ANKRD30A: variants seen among roughly 807,000 people sequenced by gnomAD.
The protein encoded by ANKRD30A is ankyrin repeat domain-containing protein 30A.
In ANKRD30A, 170 loss-of-function variants were observed where a neutral mutation model predicts 166.3. That is an observed-to-expected ratio of 1.02 (90% CI 0.90 to 1.16). The LOEUF is 1.16. Among genes scored for constraint, ANKRD30A ranks in the 50% most tolerant of loss-of-function variants. The probability of loss-of-function intolerance (pLI) is 0.00; values close to 1 mark genes in which losing one functional copy is unlikely to be tolerated. For missense variants in ANKRD30A, 1,630 were observed against 1,518.0 expected, an observed-to-expected ratio of 1.07 and a Z score of -1.23; for synonymous variants, 564 against 508.9, an observed-to-expected ratio of 1.11 and a Z score of -1.46.
At chr10:37,179,428 G>T (rs1196421393) in intron 24 of ANKRD30A, among the ~76,000 whole-genome samples, 1 of 151,012 alleles carries the variant, frequency 6.6e-6, no homozygotes, top group Middle Eastern at 3.4e-3. Context: ...TGCATGAGTG[G>T]ATTAAGAGAT....
chr10:37,208,439 C>G (rs569521649), intron 31 of ANKRD30A, among the ~76,000 whole-genome samples: 2 of 152,262 alleles, frequency 1.3e-5, no homozygotes, highest in East Asian at 3.9e-4. Flanking sequence ...AAAGCATATT[C>G]TTATCCGCTT....
intron 27 of ANKRD30A, 110 bp downstream of exon 27, chr10:37,193,368 A>T: frequency 1.5e-6 from 2 of 1,296,942 alleles, no homozygotes; most frequent in South Asian, 1.5e-5. Flanking sequence ...TTTGATGGGA[A>T]ATTTCGATAC....
intron 1 of ANKRD30A, among the ~76,000 whole-genome samples, chr10:37,126,428 ATGTACTTCT>A (rs1431110851): frequency 6.6e-6 from 1 of 152,228 alleles, no homozygotes; most frequent in African/African-American, 2.4e-5. Flanking sequence ...CCCATAATAT[ATGTACTTCT>A]TGGCTAAAAA....
chr10:37,146,572 A>AG (rs1837528947), intron 8 of ANKRD30A, among the ~76,000 whole-genome samples: 1 of 152,268 alleles, frequency 6.6e-6, no homozygotes, highest in South Asian at 2.1e-4. Context: ...AGTCCAGCTG[A>AG]GGGCGTCTGA....
chr10:37,224,817 A>G (rs1468517811), intron 34 of ANKRD30A, among the ~76,000 whole-genome samples: 1 of 151,442 alleles, frequency 6.6e-6, no homozygotes, highest in African/African-American at 2.4e-5. Flanking sequence ...CTTTTCTTCT[A>G]AAACTGCCTG....
At chr10:37,237,347 C>CT (rs1163383104), downstream of ANKRD30A, among the ~76,000 whole-genome samples, 4 of 152,202 alleles carry the variant, frequency 2.6e-5, no homozygotes, top group South Asian at 2.1e-4. Context: ...AAGAACAGAA[C>CT]TTTTTTTAAA....
At chr10:37,207,873 T>C (rs146458273) in intron 31 of ANKRD30A, among the ~76,000 whole-genome samples, 13 of 152,252 alleles carry the variant, frequency 8.5e-5, no homozygotes, top group East Asian at 1.9e-4. Flanking sequence ...AAGAATCTTA[T>C]TGATGAATAA....
chr10:37,157,852 C>A (rs1628017), intron 13 of ANKRD30A, among the ~76,000 whole-genome samples: 12 of 152,108 alleles, frequency 7.9e-5, no homozygotes, highest in East Asian at 1.9e-4. Context: ...AATTTAGAAC[C>A]TTCTCTGCAA....
In ANKRD30A at chr10:37,165,145, G is replaced by A; in HGVS notation, c.2054G>A (p.Trp685Ter). 2 of 1,607,682 alleles carry A rather than the reference G, an allele frequency of 1.2e-6. No individual in the cohort carries two copies. The highest frequency in any genetic ancestry group is 1.7e-6 in the Non-Finnish European group (2 of 1,174,712). Residue 685 changes from tryptophan (W) to a stop codon, truncating the protein, a stop_gained, in exon 18 of 36, where the codon TGG becomes TAG. Coordinates refer to ENST00000361713, the MANE Select transcript of ANKRD30A (RefSeq NM_052997.3). LOFTEE classifies it high-confidence loss of function. ...CAAAAGGACTATGAAGAAAATTCTT[G>A]GGATACTGAGGTACTGTGTGTTGTT... Reference protein sequence around the residue: ...SKQKDYEENSWDTESLCETVS... With the variant: ...SKQKDYEENS
Position 37,217,896 on chromosome 10 carries a change from A to C in ANKRD30A, c.3267+18A>C. 1 of 1,479,604 alleles carries C rather than the reference A, an allele frequency of 6.8e-7. No individual in the cohort carries two copies. The highest frequency in any genetic ancestry group is 9.0e-7 in the Non-Finnish European group (1 of 1,106,614). The allele number at this position is 1,479,604 out of a possible 1,614,324, so 91.7% of individuals were successfully genotyped here. ...TGAATCAGGTAAATCAATCTCTGAT[A>C]AAAATTTTATATTTCTAACTTTATT... On this transcript the variant is annotated intron_variant, in intron 33 of 35. Transcript: ENST00000361713.
At chr10:37,191,692 T>C (rs1331117437) in intron 25 of ANKRD30A, among the ~76,000 whole-genome samples, 3 of 151,974 alleles carry the variant, frequency 2.0e-5, no homozygotes, top group Admixed American at 2.0e-4. Flanking sequence ...TTAGCTTGTT[T>C]TTCATTTATT....
chr10:37,146,411 A>G (rs1039148898), intron 8 of ANKRD30A, among the ~76,000 whole-genome samples: 7 of 152,232 alleles, frequency 4.6e-5, no homozygotes, highest in African/African-American at 1.7e-4. Flanking sequence ...TAATTCTATT[A>G]TCATGAATAA....
chr10:37,133,898 A>C lies in ANKRD30A; in HGVS notation c.618-18A>C. Reference sequence around the variant, plus strand: ...TGGTTCTGCTCATAATAATGAAGTTATCTCTTTGTTATTTTAGCACAGCCC... The same window carrying C: ...TGGTTCTGCTCATAATAATGAAGTTCTCTCTTTGTTATTTTAGCACAGCCC... On this transcript the variant is annotated intron_variant, in intron 4 of 35. Coordinates refer to ENST00000361713, the MANE Select transcript of ANKRD30A (RefSeq NM_052997.3). 1 of 1,612,818 alleles carries C rather than the reference A, an allele frequency of 6.2e-7. No individual in the cohort carries two copies. The highest frequency in any genetic ancestry group is 8.5e-7 in the Non-Finnish European group (1 of 1,179,428).
At chr10:37,224,141 T>C (rs1329819929) in intron 34 of ANKRD30A, among the ~76,000 whole-genome samples, 1 of 151,370 alleles carries the variant, frequency 6.6e-6, no homozygotes, top group Non-Finnish European at 1.5e-5. Flanking sequence ...TTGAAAACAA[T>C]AATGACAATG....
the ANKRD30A span, among the ~76,000 whole-genome samples, chr10:37,239,065 G>A: frequency 3.3e-5 from 5 of 152,048 alleles, no homozygotes; most frequent in Non-Finnish European, 4.4e-5. Flanking sequence ...TTGGCATACG[G>A]GGAGAGAATA....
intron 21 of ANKRD30A, among the ~76,000 whole-genome samples, chr10:37,172,665 G>A (rs143625288): frequency 6.9e-5 from 9 of 130,964 alleles, no homozygotes; most frequent in Non-Finnish European, 1.3e-4. Context: ...ACTCACTTCA[G>A]ATGCATGTAG....
At chr10:37,195,309 A>G (rs538816168) in intron 27 of ANKRD30A, among the ~76,000 whole-genome samples, 2 of 152,260 alleles carry the variant, frequency 1.3e-5, no homozygotes, top group South Asian at 2.1e-4. Flanking sequence ...TAATGAAAAG[A>G]GTTGGTTACA....
intron 13 of ANKRD30A, among the ~76,000 whole-genome samples, chr10:37,154,466 G>A (rs1329360508): frequency 6.6e-6 from 1 of 152,178 alleles, no homozygotes; most frequent in East Asian, 1.9e-4. Flanking sequence ...CAATTGGATA[G>A]AAGGTCAAGA....
intron 15 of ANKRD30A, among the ~76,000 whole-genome samples, chr10:37,162,401 TACACATGAA>T (rs1346583253): frequency 6.6e-6 from 1 of 152,218 alleles, no homozygotes. Context: ...CAACCCTTTA[TACACATGAA>T]ACACAATCTC....
Sources: allele counts gnomAD v4.1 joint callset (sites outside exome capture counted in the v4.1 genomes callset), GRCh38; gene constraint gnomAD v4.1.1; transcripts MANE v1.5; gene names NCBI Gene and HGNC (gene_info 2026-07-23, HGNC 2026-07-21).